Variants in GALNTL6 observed in about 807,000 individuals in gnomAD.
The protein encoded by GALNTL6 is polypeptide N-acetylgalactosaminyltransferase-like 6.
Under a neutral mutation model 73.7 loss-of-function variants are expected in GALNTL6, and 46 were observed. The ratio of observed to expected loss-of-function variants is 0.62; its 90% CI spans 0.49 to 0.80. GALNTL6 has a LOEUF of 0.80. Ranked by LOEUF, GALNTL6 falls within the 30% of genes least tolerant of loss-of-function variation. The pLI is 0.00. For missense variants in GALNTL6, 604 were observed against 755.0 expected (o/e 0.80, Z 2.34); for synonymous variants, 259 against 263.7 (o/e 0.98, Z 0.17).
chr4:172,813,666 A>G lies in GALNTL6; in HGVS notation c.866A>G (p.Tyr289Cys), dbSNP rs1741438904. 3 of 1,613,150 alleles carry G rather than the reference A, an allele frequency of 1.9e-6. No homozygotes were observed. Among genetic ancestry groups the G allele is most frequent in the Non-Finnish European group, 2.5e-6 (3 of 1,179,354 alleles). ...MRGAFDWEMY[Y>C]KRIPIPPELQ... ...GGAGCCTTCGACTGGGAAATGTACT[A>G]CAAAAGAATCCCCATCCCTCCAGAG... The change falls in exon 7 of 13, where the codon TAC becomes TGC. Residue 289 changes from tyrosine to cysteine, a missense_variant. Tyr to Cys is a radical substitution (Grantham distance 194, BLOSUM62 -2). This residue lies in a region of GALNTL6 where 179 missense variants were observed against 230.8 expected (regional missense o/e 0.78). Coordinates refer to ENST00000506823, the MANE Select transcript of GALNTL6 (RefSeq NM_001034845.3).
intron 2 of GALNTL6, among the ~76,000 whole-genome samples, chr4:171,876,849 A>G (rs1254223786): frequency 6.6e-6 from 1 of 152,214 alleles, no homozygotes; most frequent in Admixed American, 6.5e-5. Flanking sequence ...GGGCTTATGC[A>G]TGGTAATTAT....
At chr4:172,182,102 C>G (rs1735266152) in intron 2 of GALNTL6, among the ~76,000 whole-genome samples, 1 of 152,150 alleles carries the variant, frequency 6.6e-6, no homozygotes, top group Admixed American at 6.5e-5. Flanking sequence ...ACAAGCATTT[C>G]TATACACCAG....
intron 2 of GALNTL6, among the ~76,000 whole-genome samples, chr4:172,215,891 C>A (rs187680028): frequency 1.3e-5 from 2 of 152,028 alleles, no homozygotes; most frequent in Non-Finnish European, 2.9e-5. Flanking sequence ...AATAGTTACT[C>A]GAGTTTGCAT....
chr4:171,847,042 A>C (rs942403679), intron 2 of GALNTL6, among the ~76,000 whole-genome samples: 1 of 150,810 alleles, frequency 6.6e-6, no homozygotes, highest in African/African-American at 2.4e-5. Flanking sequence ...GTGTGTATAT[A>C]TAGATATATA....
intron 2 of GALNTL6, among the ~76,000 whole-genome samples, chr4:171,976,120 A>G (rs1025783858): frequency 2.6e-5 from 4 of 152,140 alleles, no homozygotes; most frequent in African/African-American, 9.7e-5. Flanking sequence ...ACAGGGTTTC[A>G]CCATGTTGTC....
intron 8 of GALNTL6, among the ~76,000 whole-genome samples, chr4:172,917,273 T>A (rs1415471618): frequency 2.1e-4 from 26 of 122,048 alleles, no homozygotes; most frequent in Admixed American, 1.9e-3. Flanking sequence ...ACTTAAATGT[T>A]AGACCTAAAA....
At chr4:172,131,426 TATACAC>T (rs1208863114) in intron 2 of GALNTL6, among the ~76,000 whole-genome samples, 103 of 101,274 alleles carry the variant, frequency 1.0e-3, no homozygotes, top group Middle Eastern at 5.9e-3. Context: ...TATATATATA[TATACAC>T]ACACACACAC....
chr4:172,380,326 A>G (rs1743233774), intron 5 of GALNTL6: 4 of 726,462 alleles, frequency 5.5e-6, no homozygotes, highest in South Asian at 5.4e-5. Context: ...GAAATAGTCC[A>G]AGTTTAAAAG....
intron 8 of GALNTL6, among the ~76,000 whole-genome samples, chr4:172,914,637 CA>C (rs1471956401): frequency 6.6e-6 from 1 of 152,016 alleles, no homozygotes; most frequent in Non-Finnish European, 1.5e-5. Flanking sequence ...CAACAAAGAT[CA>C]AAAGAGACAA....
At chr4:172,155,644 G>A (rs1734231319) in intron 2 of GALNTL6, among the ~76,000 whole-genome samples, 1 of 152,088 alleles carries the variant, frequency 6.6e-6, no homozygotes, top group Admixed American at 6.5e-5. Flanking sequence ...TACTATTTAT[G>A]GAATGAATGT....
At chr4:171,877,784 G>A (rs547367319) in intron 2 of GALNTL6, among the ~76,000 whole-genome samples, 1 of 152,282 alleles carries the variant, frequency 6.6e-6, no homozygotes, top group African/African-American at 2.4e-5. Context: ...GAGTCAGGCA[G>A]AACTAATTTT....
At chr4:172,899,420 T>G (rs1459088949) in intron 8 of GALNTL6, among the ~76,000 whole-genome samples, 2 of 152,200 alleles carry the variant, frequency 1.3e-5, no homozygotes. Flanking sequence ...AAGGCACTTT[T>G]AAGACCTTTT....
intron 3 of GALNTL6, among the ~76,000 whole-genome samples, chr4:172,264,490 A>G (rs1446305416): frequency 6.9e-6 from 1 of 144,050 alleles, no homozygotes; most frequent in East Asian, 2.0e-4. Flanking sequence ...ATATATATTT[A>G]TACTTATATT....
intron 5 of GALNTL6, among the ~76,000 whole-genome samples, chr4:172,447,826 T>A (rs905428968): frequency 6.6e-6 from 1 of 152,152 alleles, no homozygotes; most frequent in Non-Finnish European, 1.5e-5. Context: ...ACTAGGGTTT[T>A]AAAAAAATAA....
chr4:172,053,975 C>T (rs1043245870), intron 2 of GALNTL6, among the ~76,000 whole-genome samples: 3 of 151,878 alleles, frequency 2.0e-5, no homozygotes, highest in African/African-American at 7.3e-5. Context: ...ATATACAAAA[C>T]AAAATCCAAA....
rs148937057 is a variant in GALNTL6, at chr4:172,850,498, C to T, written c.924-32292C>T. On this transcript the variant is annotated intron_variant, in intron 7 of 12. Coordinates refer to ENST00000506823, the MANE Select transcript of GALNTL6 (RefSeq NM_001034845.3). ...TTTTCTTCTACATTCACGCTTATCA[C>T]GGAATACTTCACCGCTTGGTCACTA... Among the ~76,000 whole-genome samples, 20 of 152,242 alleles carry T rather than the reference C, an allele frequency of 1.3e-4. 1 individual carries two copies. In the East Asian group the frequency reaches 2.7e-3, roughly 21 times the overall value.
chr4:172,007,438 T>C (rs982464831), intron 2 of GALNTL6, among the ~76,000 whole-genome samples: 16 of 151,990 alleles, frequency 1.1e-4, no homozygotes, highest in Admixed American at 3.3e-4. Context: ...ATAAAAACTA[T>C]AAGCAGCGAT....
intron 2 of GALNTL6, among the ~76,000 whole-genome samples, chr4:172,078,296 C>T (rs747288542): frequency 4.6e-5 from 7 of 152,112 alleles, no homozygotes; most frequent in Non-Finnish European, 1.0e-4. Context: ...CGGCACATCC[C>T]CCTTTGCTCA....
chr4:172,405,435 ATATATATATTTTTTTT>A (rs1359720468), intron 5 of GALNTL6, among the ~76,000 whole-genome samples: 10 of 5,098 alleles, frequency 2.0e-3, no homozygotes, highest in African/African-American at 7.0e-3. Context: ...ATATATATAT[ATATATATATTTTTTTT>A]TTTTTTTTTT....
Sources: allele counts gnomAD v4.1 joint callset (sites outside exome capture counted in the v4.1 genomes callset), GRCh38; gene constraint gnomAD v4.1.1; regional missense constraint gnomAD v4.1.1; transcripts MANE v1.5; gene names NCBI Gene and HGNC (gene_info 2026-07-23, HGNC 2026-07-21).